The following FANCA variants were observed in gnomAD, a reference collection of about 807,000 sequenced individuals.
FANCA encodes the protein Fanconi anemia group A protein.
Under a neutral mutation model 194.3 loss-of-function variants are expected in FANCA, and 236 were observed. The observed-to-expected ratio is 1.21, with a 90% CI of 1.09 to 1.35. The LOEUF (loss-of-function observed/expected upper bound fraction) is 1.35. FANCA is among the 40% of genes most tolerant of loss of function. The pLI, the probability that FANCA is intolerant of heterozygous loss-of-function variation, is 0.00. For missense variants in FANCA, 2,628 were observed against 1,813.9 expected (o/e 1.45, Z -8.15); for synonymous variants, 1,014 against 715.8 (o/e 1.42, Z -6.65).
rs2143433058 is a variant in FANCA, at chr16:89,779,959, T to C, written c.1627-2A>G. 6.2e-7 allele frequency: 1 copy of C among 1,614,016 alleles called. No homozygotes were observed. Among genetic ancestry groups the C allele is most frequent in the Non-Finnish European group, 8.5e-7 (1 of 1,179,878 alleles). On this transcript the variant is annotated splice_acceptor_variant, in intron 17 of 42. Coordinates refer to ENST00000389301, the MANE Select transcript of FANCA (RefSeq NM_000135.4). LOFTEE classifies it high-confidence loss of function. ...ATCCTGAAGAGCTTGGCTGTGGGGCTGGTTCCCATACAGGGAGGAAAGGAA... is the reference window on the plus strand; with the variant it reads ...ATCCTGAAGAGCTTGGCTGTGGGGCCGGTTCCCATACAGGGAGGAAAGGAA...
chr16:89,788,576 C>T (rs1359462101), intron 14 of FANCA, among the ~76,000 whole-genome samples: 1 of 152,166 alleles, frequency 6.6e-6, no homozygotes, highest in African/African-American at 2.4e-5. Context: ...GTGCGGGGAT[C>T]GCATGAGGCC....
Position 89,814,596 on chromosome 16 carries a change from A to G in FANCA, c.207T>C (p.Cys69=), listed in dbSNP as rs941660593. 5 of 1,613,266 alleles carry G rather than the reference A, an allele frequency of 3.1e-6. No individual in the cohort carries two copies. The highest frequency in any genetic ancestry group is 4.2e-6 in the Non-Finnish European group (5 of 1,179,334). The change falls in exon 3 of 43, where the codon TGT becomes TGC. Residue 69 remains cysteine (C), a synonymous_variant. Transcript: ENST00000389301. ...ALLLEVEGPL[C]KKLSLSKVID... ...TCACTTTGCTGAGAGACAATTTTTT[A>G]CACAGTGGACCTTCTACCTAGAATC...
chr16:89,755,671 A>G (rs184567369), intron 30 of FANCA, among the ~76,000 whole-genome samples: 243 of 152,386 alleles, frequency 1.6e-3, no homozygotes, highest in Non-Finnish European at 2.2e-3. Context: ...CAAATCATAT[A>G]TTTGATAAGA....
Position 89,784,925 on chromosome 16 carries a change from TGCTGCA to T in FANCA, c.1393_1398del (p.Cys465_Ser466del). The T allele has an allele frequency of 6.2e-7, 1 of 1,614,144 alleles. No individual in the cohort carries two copies. Among genetic ancestry groups the T allele is most frequent in the Non-Finnish European group, 8.5e-7 (1 of 1,180,012 alleles). On this transcript the variant is annotated inframe_deletion, in exon 15 of 43. Coordinates refer to ENST00000389301, the MANE Select transcript of FANCA (RefSeq NM_000135.4). ...GTAAACAGGAAGACCAGGGCCTTCT[TGCTGCA>T]GCCATGGTAGCCTCGTGTGCTCCCA...
In FANCA at chr16:89,738,354, C is replaced by T. The variant is rs2062020140; in HGVS notation, c.*247G>A. On this transcript the variant is annotated 3_prime_UTR_variant, in exon 43 of 43. Coordinates refer to ENST00000389301, the MANE Select transcript of FANCA (RefSeq NM_000135.4). ...GGGAGGGTCGGAGGGTGCTGCCCGCCCTTGGTGCTGGAGGCGGGCTTGGTG... is the reference window on the plus strand; with the variant it reads ...GGGAGGGTCGGAGGGTGCTGCCCGCTCTTGGTGCTGGAGGCGGGCTTGGTG... The T allele has an allele frequency of 1.4e-6, 2 of 1,475,728 alleles. No individual in the cohort carries two copies. The highest frequency in any genetic ancestry group is 1.8e-6 in the Non-Finnish European group (2 of 1,109,054). 91.4% of individuals were successfully genotyped at this position (1,475,728 alleles called of 1,614,324 possible).
chr16:89,778,724 T>A, intron 20 of FANCA, 77 bp downstream of exon 20: 1 of 1,385,662 alleles, frequency 7.2e-7, no homozygotes, highest in Non-Finnish European at 1.0e-6. Context: ...CAAATTTCTC[T>A]ACAGAAGATC....
intron 27 of FANCA, among the ~76,000 whole-genome samples, chr16:89,765,850 A>G (rs1370997822): frequency 6.6e-6 from 1 of 152,254 alleles, no homozygotes; most frequent in African/African-American, 2.4e-5. Context: ...CTCAGAGGAA[A>G]TAACTGGAAA....
chr16:89,805,457 A>C (rs1014582186), intron 6 of FANCA, 65 bp from the exon 7 acceptor site: 1 of 1,338,882 alleles, frequency 7.5e-7, no homozygotes, highest in Non-Finnish European at 1.1e-6. Flanking sequence ...GATTGAGTTG[A>C]GCCATATGTC....
intron 2 of FANCA, among the ~76,000 whole-genome samples, chr16:89,815,546 G>A (rs576464961): frequency 1.3e-5 from 2 of 151,888 alleles, no homozygotes; most frequent in African/African-American, 2.4e-5. Flanking sequence ...AGTAGAGACC[G>A]GGTTTCACTA....
intron 10 of FANCA, among the ~76,000 whole-genome samples, chr16:89,796,368 C>G (rs1010252357): frequency 6.6e-6 from 1 of 152,154 alleles, no homozygotes; most frequent in African/African-American, 2.4e-5. Flanking sequence ...GCCAACCCGA[C>G]GGGGCCTCAG....
rs559220678 is a variant in FANCA, at chr16:89,763,485, T to C, written c.2778+1405A>G. 6.1e-4 allele frequency among the ~76,000 whole-genome samples: 92 copies of C among 151,652 alleles called. 2 individuals are homozygous for C. Among genetic ancestry groups the C allele is most frequent in the Admixed American group, 4.1e-3 (62 of 15,216 alleles). On this transcript the variant is annotated intron_variant, in intron 28 of 42. Coordinates refer to ENST00000389301, the MANE Select transcript of FANCA (RefSeq NM_000135.4). ...GCCACTGTGCCCAGCCACCTTGAAA[T>C]TCTTTTCTAAAGACCAAAACAACCA...
chr16:89,811,431 G>T (rs1034134272), intron 3 of FANCA, among the ~76,000 whole-genome samples: 2 of 152,190 alleles, frequency 1.3e-5, no homozygotes, highest in Non-Finnish European at 2.9e-5. Flanking sequence ...CAATTACATT[G>T]TTTTTCTAAT....
intron 15 of FANCA, 120 bp downstream of exon 15, chr16:89,784,734 G>A: frequency 1.2e-6 from 1 of 803,226 alleles, no homozygotes; most frequent in Non-Finnish European, 2.2e-6. Context: ...GAAGGGGAAG[G>A]GCCTGGCTGA....
chr16:89,815,992 G>T lies in FANCA; in HGVS notation c.80-6C>A. 2 of 1,607,514 alleles carry T rather than the reference G, an allele frequency of 1.2e-6. No individual in the cohort carries two copies. The highest frequency in any genetic ancestry group is 8.5e-7 in the Non-Finnish European group (1 of 1,174,048). Reference sequence around the variant, plus strand: ...TTCCCTCTTGACCCTTCCCGCTACGGAGAGAAGTCGGTTCGAAACCATCAC... The same window carrying T: ...TTCCCTCTTGACCCTTCCCGCTACGTAGAGAAGTCGGTTCGAAACCATCAC... On this transcript the variant is annotated splice_region_variant and splice_polypyrimidine_tract_variant and intron_variant, in intron 1 of 42. Transcript: ENST00000389301.
intron 7 of FANCA, among the ~76,000 whole-genome samples, chr16:89,805,071 C>G (rs370943037): frequency 6.6e-6 from 1 of 152,056 alleles, no homozygotes; most frequent in South Asian, 2.1e-4. Context: ...AACACTTAAA[C>G]TCATGTCAAG....
At position 89,764,898 on chromosome 16, in the gene FANCA, C is replaced by G. The variant is rs2039073368; in HGVS notation, c.2770G>C (p.Asp924His). The change falls in exon 28 of 43, where the codon GAT (aspartate) becomes CAT (histidine). Residue 924 changes from aspartate to histidine, a missense_variant. Physicochemically the swap from Asp to His is moderately conservative, Grantham distance 81. Coordinates refer to ENST00000389301, the MANE Select transcript of FANCA (RefSeq NM_000135.4). Reference protein sequence around the residue: ...RTFREVLKEEDVHLTYQDWLH... With the variant: ...RTFREVLKEEHVHLTYQDWLH... ...AAGGAACGGTCACCTACGTGAACAT[C>G]TTCCTCTTTCAACACCTCTCGGAAG... 3 of 1,613,918 alleles carry G rather than the reference C, an allele frequency of 1.9e-6. No homozygotes were observed. Among genetic ancestry groups the G allele is most frequent in the Non-Finnish European group, 2.5e-6 (3 of 1,179,946 alleles).
rs753917163 is a variant in FANCA at position 89,748,816 on chromosome 16, C to T, written c.3240-49G>A. ...TGGCGACAGCACAGCGTACACTCTG[C>T]TCCTTCCCAAGGGCTCAGACTCTCA... On this transcript the variant is annotated intron_variant, in intron 32 of 42. Coordinates refer to ENST00000389301, the MANE Select transcript of FANCA (RefSeq NM_000135.4). 60 of 1,486,980 alleles carry T rather than the reference C, an allele frequency of 4.0e-5. No individual in the cohort carries two copies. In the Admixed American group the frequency reaches 9.6e-4, roughly 24 times the overall value. 92.1% of individuals were successfully genotyped at this position (1,486,980 alleles called of 1,614,324 possible). A position where few individuals can be genotyped will look rare whatever the true frequency, so the allele number is the denominator to read the frequency against.
chr16:89,807,436 T>C (rs17232274), intron 6 of FANCA, among the ~76,000 whole-genome samples: 7,534 of 149,980 alleles, frequency 0.05, 664 homozygotes, highest in African/African-American at 0.18. Context: ...CCTGGCGACA[T>C]AGCAGGTCTC....
Position 89,738,569 on chromosome 16 carries a change from G to A in FANCA, c.*32C>T. The A allele has an allele frequency of 1.2e-6, 2 of 1,612,870 alleles. No homozygotes were observed. Among genetic ancestry groups the A allele is most frequent in the Non-Finnish European group, 1.7e-6 (2 of 1,180,012 alleles). The stretch of plus-strand genomic sequence containing the variant: ...ATGCTTGTAATAAATTATTTACACG[G>A]GAGCTGGGCTGGTGTGCAGTGGCAG... On this transcript the variant is annotated 3_prime_UTR_variant, in exon 43 of 43. Transcript: ENST00000389301.
Sources: gnomAD v4.1 joint callset for allele counts (sites outside exome capture counted in the v4.1 genomes callset) on GRCh38, gnomAD v4.1.1 for gene constraint, MANE v1.5 for transcripts, NCBI Gene and HGNC (gene_info 2026-07-23, HGNC 2026-07-21) for gene names.